Variants in TTI1 observed in about 807,000 individuals in gnomAD.
The protein encoded by TTI1 is TELO2 interacting protein 1.
TTI1 carries 52 observed loss-of-function variants against 85.4 expected under a neutral mutation model. The ratio of observed to expected loss-of-function variants is 0.61; its 90% CI spans 0.49 to 0.77. The LOEUF (loss-of-function observed/expected upper bound fraction) is 0.77. Ranked by LOEUF, TTI1 falls within the 30% of genes least tolerant of loss-of-function variation. The probability of loss-of-function intolerance (pLI) is 0.00; values close to 1 mark genes in which losing one functional copy is unlikely to be tolerated. For synonymous variants in TTI1, 512 were observed against 503.9 expected (o/e 1.02, Z -0.22); for missense variants, 1,173 against 1,296.0 (o/e 0.91, Z 1.46).
At chr20:37,995,092 G>A (rs1255248800) in intron 7 of TTI1, among the ~76,000 whole-genome samples, 2 of 152,128 alleles carry the variant, frequency 1.3e-5, no homozygotes, top group Non-Finnish European at 1.5e-5. Context: ...TCAGCTCCAG[G>A]GGCACCGCCC....
At chr20:38,020,323 A>AATATATATATATATATAT (rs1159604655) in intron 1 of TTI1, among the ~76,000 whole-genome samples, 130 of 50,260 alleles carry the variant, frequency 2.6e-3, no homozygotes, top group Middle Eastern at 0.013. Flanking sequence ...AAAAAAAAAA[A>AATATATATATATATATAT]ATATATATAT....
rs551951025 is a variant in TTI1, at chr20:38,013,480, C to T, written c.337G>A (p.Ala113Thr). ...CLYSPSSQKP[A>T]AVSEELKLAV... ...AATTTCAACTCCTCGGACACAGCCG[C>T]AGGTTTTTGGGAGCTGGGTGAATAC... Residue 113 changes from alanine to threonine, a missense_variant, in exon 2 of 8, where the codon GCG (alanine) becomes ACG (threonine). Transcript: ENST00000373447. 4.3e-6 allele frequency: 7 copies of T among 1,614,032 alleles called. No homozygotes were observed. The highest frequency in any genetic ancestry group is 2.7e-5 in the African/African-American group (2 of 75,038).
intron 7 of TTI1, among the ~76,000 whole-genome samples, chr20:37,989,558 A>C (rs2073234906): frequency 6.6e-6 from 1 of 152,240 alleles, no homozygotes; most frequent in Admixed American, 6.5e-5. Context: ...CCATCTGGCC[A>C]GTTCTCCTGC....
At chr20:38,001,919 T>C (rs900155841) in intron 4 of TTI1, among the ~76,000 whole-genome samples, 3 of 152,174 alleles carry the variant, frequency 2.0e-5, no homozygotes, top group Non-Finnish European at 4.4e-5. Flanking sequence ...GGTTTCTCCA[T>C]GTTGGTAAGG....
At chr20:38,028,400 A>G (rs2073862293) in intron 1 of TTI1, among the ~76,000 whole-genome samples, 1 of 152,242 alleles carries the variant, frequency 6.6e-6, no homozygotes, top group African/African-American at 2.4e-5. Flanking sequence ...GATAAAGTAG[A>G]CTTCAGAGCA....
At chr20:38,021,358 A>G (rs1191341327) in intron 1 of TTI1, among the ~76,000 whole-genome samples, 1 of 152,262 alleles carries the variant, frequency 6.6e-6, no homozygotes, top group Non-Finnish European at 1.5e-5. Context: ...TGTCAATTAC[A>G]GAAAGAATTG....
At position 37,988,794 on chromosome 20, in the gene TTI1, G is replaced by A. The variant is rs371028193; in HGVS notation, c.3087-5155C>T. Among the ~76,000 whole-genome samples the A allele has an allele frequency of 2.6e-5, 4 of 152,184 alleles. No individual in the cohort carries two copies. The East Asian group carries it at 5.8e-4, about 22-fold the overall frequency. ...GCAGTGGGAAAGTAAGCTCACTTGTGGGAAAGCAGGCATACTCACTAAGTT... is the reference window on the plus strand; with the variant it reads ...GCAGTGGGAAAGTAAGCTCACTTGTAGGAAAGCAGGCATACTCACTAAGTT... On this transcript the variant is annotated intron_variant, in intron 7 of 7. Transcript: ENST00000373447.
At chr20:38,001,182 A>G (rs940130193) in intron 4 of TTI1, among the ~76,000 whole-genome samples, 8 of 152,196 alleles carry the variant, frequency 5.3e-5, no homozygotes, top group Admixed American at 1.3e-4. Context: ...CTAGTCCTCA[A>G]TAAGCATTTA....
chr20:38,026,457 G>A (rs989588145), intron 1 of TTI1, among the ~76,000 whole-genome samples: 1 of 152,066 alleles, frequency 6.6e-6, no homozygotes, highest in African/African-American at 2.4e-5. Context: ...CATGCCCAGA[G>A]GGGAGAAAAC....
At chr20:37,984,687 A>C (rs2073167574) in intron 7 of TTI1, among the ~76,000 whole-genome samples, 1 of 152,194 alleles carries the variant, frequency 6.6e-6, no homozygotes, top group South Asian at 2.1e-4. Context: ...ACTGTGCCCA[A>C]GTAAGGCTGC....
At chr20:37,993,841 AGTGT>A (rs2073300005) in intron 7 of TTI1, among the ~76,000 whole-genome samples, 1 of 152,178 alleles carries the variant, frequency 6.6e-6, no homozygotes, top group African/African-American at 2.4e-5. Context: ...CATGAGGGTA[AGTGT>A]GTGTAAGTGT....
intron 1 of TTI1, among the ~76,000 whole-genome samples, chr20:38,028,761 T>C (rs1198348691): frequency 6.6e-6 from 1 of 152,220 alleles, no homozygotes; most frequent in African/African-American, 2.4e-5. Context: ...CAGGCTGCAG[T>C]GCAGTGGCTC....
chr20:37,998,151 A>G (rs2073369576), intron 5 of TTI1, among the ~76,000 whole-genome samples: 1 of 151,974 alleles, frequency 6.6e-6, no homozygotes, highest in African/African-American at 2.4e-5. Flanking sequence ...GCTGGTTTTG[A>G]ACTCCTGACC....
At chr20:38,018,338 T>C (rs997394981) in intron 1 of TTI1, among the ~76,000 whole-genome samples, 22 of 152,260 alleles carry the variant, frequency 1.4e-4, no homozygotes, top group African/African-American at 5.1e-4. Flanking sequence ...GTATCTATAA[T>C]TAAGAATTTA....
rs1423344846 is a variant in TTI1 at position 37,996,479 on chromosome 20, C to T, written c.2999-17G>A. On this transcript the variant is annotated splice_polypyrimidine_tract_variant and intron_variant, in intron 6 of 7. Coordinates refer to ENST00000373447, the MANE Select transcript of TTI1 (RefSeq NM_001303457.2). ...CACCCTCACCTGCAGAAAAGAAAAA[C>T]AAAACAAGCATCAGCCCTTACACTT... is the stretch of plus-strand genomic sequence containing the variant. 1.9e-6 allele frequency: 3 copies of T among 1,612,072 alleles called. No individual in the cohort carries two copies. Among genetic ancestry groups the T allele is most frequent in the Admixed American group, 1.7e-5 (1 of 59,992 alleles).
chr20:38,021,087 A>G (rs2073765361), intron 1 of TTI1, among the ~76,000 whole-genome samples: 1 of 152,224 alleles, frequency 6.6e-6, no homozygotes, highest in South Asian at 2.1e-4. Flanking sequence ...AATGAAAACT[A>G]CCTCAATGCC....
chr20:38,018,781 ATT>A (rs879417270), intron 1 of TTI1, among the ~76,000 whole-genome samples: 7 of 145,398 alleles, frequency 4.8e-5, no homozygotes, highest in Non-Finnish European at 6.1e-5. Flanking sequence ...CCCAACTTTG[ATT>A]TTTTTTTTTT....
intron 1 of TTI1, among the ~76,000 whole-genome samples, chr20:38,015,419 G>A (rs1306235063): frequency 6.6e-6 from 1 of 152,146 alleles, no homozygotes; most frequent in Non-Finnish European, 1.5e-5. Context: ...AGCTTGGCTG[G>A]GGTCTAATGA....
chr20:38,000,805 T>C (rs1281759468), intron 4 of TTI1, among the ~76,000 whole-genome samples: 1 of 152,210 alleles, frequency 6.6e-6, no homozygotes, highest in African/African-American at 2.4e-5. Context: ...TATATTTCAT[T>C]GACTCAAAGA....
Sources: gnomAD v4.1 joint callset for allele counts (sites outside exome capture counted in the v4.1 genomes callset) on GRCh38, gnomAD v4.1.1 for gene constraint, MANE v1.5 for transcripts, NCBI Gene and HGNC (gene_info 2026-07-23, HGNC 2026-07-21) for gene names.